The following G3BP2 variants were observed in gnomAD, a reference collection of about 807,000 sequenced individuals.
G3BP2 encodes the protein ras GTPase-activating protein-binding protein 2.
G3BP2 carries 11 observed loss-of-function variants against 56.7 expected under a neutral mutation model. The ratio of observed to expected loss-of-function variants is 0.19; its 90% CI spans 0.12 to 0.32. The LOEUF (loss-of-function observed/expected upper bound fraction) is 0.32, where lower values mean the gene tolerates loss of function less well. G3BP2 is among the 10% of genes least tolerant of loss of function. The pLI, the probability that G3BP2 is intolerant of heterozygous loss-of-function variation, is 1.00. For missense variants in G3BP2, 340 were observed against 610.9 expected (o/e 0.56, Z 4.67); for synonymous variants, 165 against 191.6 (o/e 0.86, Z 1.15).
At chr4:75,676,978 T>G (rs1733899750), upstream of G3BP2, among the ~76,000 whole-genome samples, 1 of 152,178 alleles carries the variant, frequency 6.6e-6, no homozygotes, top group Non-Finnish European at 1.5e-5. Flanking sequence ...CCCCAAGGCC[T>G]TTAATGTGAA....
At chr4:75,645,723 A>ATATT (rs1731166663) in intron 11 of G3BP2, 21 bp from the exon 12 acceptor site, 1 of 1,606,928 alleles carries the variant, frequency 6.2e-7, no homozygotes, top group Non-Finnish European at 8.5e-7. Flanking sequence ...GAGAAGAAAA[A>ATATT]TATTTACATG....
chr4:75,657,270 A>C (rs1732190316), intron 4 of G3BP2, among the ~76,000 whole-genome samples: 1 of 152,218 alleles, frequency 6.6e-6, no homozygotes, highest in Non-Finnish European at 1.5e-5. Flanking sequence ...AAAGAAACCA[A>C]AAGAACTCTT....
chr4:75,654,958 A>G, intron 7 of G3BP2, 108 bp downstream of exon 7: 1 of 742,712 alleles, frequency 1.3e-6, no homozygotes, highest in Non-Finnish European at 2.2e-6. Flanking sequence ...TCATATACAT[A>G]AAATAATTTA....
intron 3 of G3BP2, among the ~76,000 whole-genome samples, chr4:75,709,335 G>A (rs1196625755): frequency 2.2e-5 from 3 of 136,692 alleles, no homozygotes; most frequent in African/African-American, 8.3e-5. Context: ...AAGGAGAATC[G>A]CTTGAACCCT....
intron 3 of G3BP2, among the ~76,000 whole-genome samples, chr4:75,707,445 TA>T (rs910899999): frequency 1.3e-5 from 2 of 151,630 alleles, no homozygotes; most frequent in Non-Finnish European, 2.9e-5. Context: ...CCGTCTCTAC[TA>T]AAAATACAAA....
chr4:75,655,963 G>T, intron 5 of G3BP2, 93 bp from the exon 6 acceptor site: 3 of 674,740 alleles, frequency 4.4e-6, no homozygotes, highest in South Asian at 1.8e-5. Context: ...TGGTATGATA[G>T]CAAAAAAGAA....
At chr4:75,699,490 C>CCATAA in intron 3 of G3BP2, among the ~76,000 whole-genome samples, 1 of 152,316 alleles carries the variant, frequency 6.6e-6, no homozygotes, top group Admixed American at 6.5e-5. Flanking sequence ...ACCCTAAAGC[C>CCATAA]TATGCCCTTT....
intron 3 of G3BP2, among the ~76,000 whole-genome samples, chr4:75,714,528 A>G (rs1719865018): frequency 6.6e-6 from 1 of 152,148 alleles, no homozygotes; most frequent in East Asian, 1.9e-4. Flanking sequence ...CTCAGGAGGC[A>G]GAGGCAGGAG....
chr4:75,655,289 T>C (rs1298527123), intron 6 of G3BP2, 43 bp from the exon 7 acceptor site: 1 of 1,414,482 alleles, frequency 7.1e-7, no homozygotes, highest in Non-Finnish European at 9.9e-7. Context: ...GGAGTTCAAG[T>C]AAGAAAAAAT....
chr4:75,688,323 G>GT (rs778003525), intron 3 of G3BP2, among the ~76,000 whole-genome samples: 3 of 152,128 alleles, frequency 2.0e-5, no homozygotes, highest in Non-Finnish European at 4.4e-5. Flanking sequence ...GATTACAGGC[G>GT]TAAGCCACCA....
chr4:75,683,610 T>A (rs4859543), intron 3 of G3BP2, among the ~76,000 whole-genome samples: 133,137 of 152,108 alleles, frequency 0.88, 58,295 homozygotes, highest in East Asian at 0.92. Context: ...TTCTGGTTAG[T>A]TCATAAGCCT....
At chr4:75,695,099 G>T (rs535020453) in intron 3 of G3BP2, among the ~76,000 whole-genome samples, 1 of 152,326 alleles carries the variant, frequency 6.6e-6, no homozygotes, top group East Asian at 1.9e-4. Context: ...AACAGGATTT[G>T]GTTGTCAGGG....
At chr4:75,717,143 T>C (rs1458442680) in intron 3 of G3BP2, among the ~76,000 whole-genome samples, 1 of 152,072 alleles carries the variant, frequency 6.6e-6, no homozygotes, top group Non-Finnish European at 1.5e-5. Flanking sequence ...GTCAACTTCA[T>C]TAAAAAACTG....
chr4:75,673,620 C>T, upstream of G3BP2: 2 of 1,231,002 alleles, frequency 1.6e-6, no homozygotes, highest in South Asian at 4.1e-5. Context: ...GGCCTAAAGC[C>T]AAGATAAGAG....
At chr4:75,704,140 T>TC (rs2149099080) in intron 3 of G3BP2, among the ~76,000 whole-genome samples, 2 of 151,532 alleles carry the variant, frequency 1.3e-5, no homozygotes, top group African/African-American at 4.8e-5. Flanking sequence ...CGCCTCAGCC[T>TC]CCCAAGTAGC....
At chr4:75,654,388 T>G (rs907684608) in intron 7 of G3BP2, among the ~76,000 whole-genome samples, 1 of 152,208 alleles carries the variant, frequency 6.6e-6, no homozygotes, top group African/African-American at 2.4e-5. Context: ...AACCTGAACC[T>G]AATAGAAACA....
At chr4:75,714,582 C>A (rs1296631661) in intron 3 of G3BP2, among the ~76,000 whole-genome samples, 1 of 151,902 alleles carries the variant, frequency 6.6e-6, no homozygotes, top group Non-Finnish European at 1.5e-5. Context: ...GAGCCAAGAT[C>A]GCACCACCGC....
intron 1 of G3BP2, among the ~76,000 whole-genome samples, chr4:75,669,152 C>T (rs1387229792): frequency 6.6e-6 from 1 of 152,198 alleles, no homozygotes; most frequent in Non-Finnish European, 1.5e-5. Flanking sequence ...TCTAACCTGG[C>T]AATTTCAGCT....
chr4:75,652,165 A>C (rs977324782), intron 8 of G3BP2, among the ~76,000 whole-genome samples: 10 of 152,230 alleles, frequency 6.6e-5, no homozygotes, highest in African/African-American at 2.2e-4. Context: ...CATTTCCTAC[A>C]ACTAACTTTG....
Sources: gnomAD v4.1 joint callset for allele counts (sites outside exome capture counted in the v4.1 genomes callset) on GRCh38, gnomAD v4.1.1 for gene constraint, MANE v1.5 for transcripts, NCBI Gene and HGNC (gene_info 2026-07-23, HGNC 2026-07-21) for gene names.